Variants in TAF1B observed in about 807,000 individuals in gnomAD.
TAF1B encodes TATA box-binding protein-associated factor RNA polymerase I subunit B.
Under a neutral mutation model 83.9 loss-of-function variants are expected in TAF1B, and 61 were observed. The ratio of observed to expected loss-of-function variants is 0.73; its 90% CI spans 0.59 to 0.90. The LOEUF (loss-of-function observed/expected upper bound fraction) is 0.90, where lower values mean the gene tolerates loss of function less well. Among genes scored for constraint, TAF1B ranks in the 40% least tolerant of loss-of-function variants. The probability of loss-of-function intolerance (pLI) is 0.00; values close to 1 mark genes in which losing one functional copy is unlikely to be tolerated. For missense variants in TAF1B, 625 were observed against 677.0 expected, an observed-to-expected ratio of 0.92 and a Z score of 0.85; for synonymous variants, 221 against 224.6, an observed-to-expected ratio of 0.98 and a Z score of 0.14.
intron 8 of TAF1B, among the ~76,000 whole-genome samples, chr2:9,887,436 T>C (rs1004684794): frequency 3.3e-5 from 5 of 152,214 alleles, no homozygotes; most frequent in African/African-American, 1.2e-4. Context: ...ACTAGGTGTG[T>C]AACATTTACA....
chr2:9,852,962 C>G (rs1243447388), intron 4 of TAF1B, among the ~76,000 whole-genome samples: 3 of 152,104 alleles, frequency 2.0e-5, no homozygotes, highest in Admixed American at 1.3e-4. Flanking sequence ...CTGGGCCTAC[C>G]CTGAAAGGCG....
intron 14 of TAF1B, among the ~76,000 whole-genome samples, chr2:9,924,325 G>A (rs1665972995): frequency 6.6e-6 from 1 of 152,162 alleles, no homozygotes; most frequent in African/African-American, 2.4e-5. Flanking sequence ...CTTAGGCTGA[G>A]TTGTCTGATT....
At chr2:9,931,952 C>G (rs547082019) in intron 14 of TAF1B, among the ~76,000 whole-genome samples, 31 of 152,268 alleles carry the variant, frequency 2.0e-4, no homozygotes, top group African/African-American at 6.7e-4. Flanking sequence ...TCCACTTGAT[C>G]GAATCGGCTA....
chr2:9,913,847 C>T (rs1665605258), intron 12 of TAF1B: 1 of 152,228 alleles, frequency 6.6e-6, no homozygotes, highest in Non-Finnish European at 1.5e-5. Context: ...TACAAGCTAG[C>T]TGTGTGCCCA....
At chr2:9,849,831 T>C (rs1663329079) in intron 3 of TAF1B, among the ~76,000 whole-genome samples, 1 of 152,150 alleles carries the variant, frequency 6.6e-6, no homozygotes, top group Admixed American at 6.5e-5. Context: ...GGCAAAGTAT[T>C]TCATTAATCC....
chr2:9,884,701 T>C (rs1572248434), intron 8 of TAF1B, among the ~76,000 whole-genome samples: 2 of 152,210 alleles, frequency 1.3e-5, no homozygotes, highest in East Asian at 1.9e-4. Context: ...CTGCATCCCA[T>C]TGTCTTCCCA....
At chr2:9,904,377 A>G (rs1186015545) in intron 8 of TAF1B, among the ~76,000 whole-genome samples, 1 of 152,202 alleles carries the variant, frequency 6.6e-6, no homozygotes, top group Middle Eastern at 3.2e-3. Context: ...TTGTTACTGC[A>G]TTAATTTGCT....
chr2:9,918,339 T>C (rs1665755440), intron 12 of TAF1B, among the ~76,000 whole-genome samples: 1 of 152,212 alleles, frequency 6.6e-6, no homozygotes, highest in Non-Finnish European at 1.5e-5. Context: ...AAATAGAACA[T>C]GTCACTTCCT....
intron 3 of TAF1B, among the ~76,000 whole-genome samples, chr2:9,850,851 A>G (rs1663364380): frequency 6.6e-6 from 1 of 152,152 alleles, no homozygotes; most frequent in Non-Finnish European, 1.5e-5. Flanking sequence ...CCAGAAAATA[A>G]CCCACGTAAG....
chr2:9,908,742 C>A (rs1379980234), intron 9 of TAF1B, among the ~76,000 whole-genome samples: 3 of 152,168 alleles, frequency 2.0e-5, no homozygotes, highest in Non-Finnish European at 4.4e-5. Flanking sequence ...GTATAATAGT[C>A]CAAATTCTCT....
intron 9 of TAF1B, among the ~76,000 whole-genome samples, chr2:9,906,316 T>C (rs1283659597): frequency 6.6e-6 from 1 of 152,132 alleles, no homozygotes; most frequent in Non-Finnish European, 1.5e-5. Flanking sequence ...GCGTAAGGAG[T>C]AGAAATAAAT....
At chr2:9,924,206 A>G (rs1239265825) in intron 14 of TAF1B, among the ~76,000 whole-genome samples, 1 of 151,928 alleles carries the variant, frequency 6.6e-6, no homozygotes, top group Non-Finnish European at 1.5e-5. Context: ...CAGAGGAAGC[A>G]AAAAAGGCTT....
intron 14 of TAF1B, among the ~76,000 whole-genome samples, chr2:9,925,826 C>T (rs947418544): frequency 2.0e-5 from 3 of 152,108 alleles, no homozygotes; most frequent in Non-Finnish European, 2.9e-5. Context: ...CTGCCCGCCT[C>T]GGCCTCCCAA....
At chr2:9,850,367 T>C (rs1174405526) in intron 3 of TAF1B, among the ~76,000 whole-genome samples, 1 of 152,196 alleles carries the variant, frequency 6.6e-6, no homozygotes, top group Non-Finnish European at 1.5e-5. Flanking sequence ...CCATCCATTA[T>C]GGAAAATAGG....
chr2:9,905,117 G>C, intron 9 of TAF1B, 111 bp downstream of exon 9: 1 of 885,992 alleles, frequency 1.1e-6, no homozygotes, highest in Non-Finnish European at 1.7e-6. Context: ...AAAGGTCCAT[G>C]GTTACATGAA....
At chr2:9,845,844 G>A (rs1663189779) in intron 2 of TAF1B, 2 of 299,600 alleles carry the variant, frequency 6.7e-6, no homozygotes, top group South Asian at 3.0e-5. Context: ...TTAGCCAGGC[G>A]TGGTAGCATG....
rs546749169 is a variant in TAF1B, at chr2:9,918,346, T to C, written c.1272-695T>C. On this transcript the variant is annotated intron_variant, in intron 12 of 14. Transcript: ENST00000263663. ...AGAACTAGAAATAGAACATGTCACT[T>C]CCTTTTGGAGTCTGGAACTGATCAC... 1.4e-4 allele frequency among the ~76,000 whole-genome samples: 21 copies of C among 152,276 alleles called. No individual in the cohort carries two copies. The South Asian group carries it at 4.4e-3, about 32-fold the overall frequency.
chr2:9,865,388 G>A (rs1663936405), intron 5 of TAF1B, among the ~76,000 whole-genome samples: 1 of 152,200 alleles, frequency 6.6e-6, no homozygotes, highest in Admixed American at 6.5e-5. Context: ...TACAAGGCAT[G>A]CGAAGGACCT....
intron 9 of TAF1B, among the ~76,000 whole-genome samples, chr2:9,910,171 ACT>A (rs1273735012): frequency 1.3e-5 from 2 of 152,152 alleles, no homozygotes; most frequent in African/African-American, 4.8e-5. Flanking sequence ...AGGCTAAGTG[ACT>A]CTGATCCAAG....
Sources: allele counts gnomAD v4.1 joint callset (sites outside exome capture counted in the v4.1 genomes callset), GRCh38; gene constraint gnomAD v4.1.1; transcripts MANE v1.5; gene names NCBI Gene and HGNC (gene_info 2026-07-23, HGNC 2026-07-21).